The following MIER1 variants were observed in gnomAD, a reference collection of about 807,000 sequenced individuals.
The protein encoded by MIER1 is MIER1 transcriptional regulator.
In MIER1, 40 loss-of-function variants were observed where a neutral mutation model predicts 75.7. The ratio of observed to expected loss-of-function variants is 0.53; its 90% CI spans 0.41 to 0.69. The LOEUF (loss-of-function observed/expected upper bound fraction) is 0.69, where lower values mean the gene tolerates loss of function less well. Among genes scored for constraint, MIER1 ranks in the 30% least tolerant of loss-of-function variants. MIER1 has a pLI of 0.00. For synonymous variants in MIER1, 213 were observed against 223.4 expected (o/e 0.95, Z 0.42); for missense variants, 574 against 680.2 (o/e 0.84, Z 1.74).
chr1:66,971,546 T>A (rs1570460615), intron 9 of MIER1, 109 bp from the exon 10 acceptor site: 1 of 615,250 alleles, frequency 1.6e-6, no homozygotes, highest in East Asian at 2.9e-5. Context: ...CTAAAGTTAT[T>A]TGCCCTCAAA....
chr1:66,954,570 C>T (rs1433782499), intron 4 of MIER1, among the ~76,000 whole-genome samples: 4 of 152,164 alleles, frequency 2.6e-5, no homozygotes, highest in African/African-American at 9.7e-5. Flanking sequence ...TGTGCCAGTT[C>T]TATTACGATT....
intron 8 of MIER1, among the ~76,000 whole-genome samples, chr1:66,968,420 T>TTTGTGATGAAAAG (rs1258850555): frequency 6.6e-5 from 10 of 152,184 alleles, no homozygotes; most frequent in Admixed American, 5.9e-4. Context: ...TTTCATCAGT[T>TTTGTGATGAAAAG]TTGTGAACAC....
At chr1:66,940,246 T>C in intron 3 of MIER1, 194 bp downstream of exon 3, 1 of 346,354 alleles carries the variant, frequency 2.9e-6, no homozygotes, top group Non-Finnish European at 5.2e-6. Flanking sequence ...GATTTCATCC[T>C]AAAAATGACT....
chr1:66,934,625 C>T (rs1005671161), intron 2 of MIER1, among the ~76,000 whole-genome samples: 1 of 147,106 alleles, frequency 6.8e-6, no homozygotes, highest in East Asian at 2.0e-4. Flanking sequence ...AGACTGGTCT[C>T]GAGCTTCTGG....
chr1:66,929,482 C>T (rs141811056), intron 2 of MIER1, among the ~76,000 whole-genome samples: 74 of 152,362 alleles, frequency 4.9e-4, no homozygotes, highest in South Asian at 4.1e-4. Context: ...ATTGGCATCA[C>T]GGCCAATTGG....
In MIER1 at chr1:66,935,943, T is replaced by C. The variant is rs183174463; in HGVS notation, c.169-4085T>C. On this transcript the variant is annotated intron_variant, in intron 2 of 13. Coordinates refer to ENST00000401041, the MANE Select transcript of MIER1 (RefSeq NM_001077700.3). ...TTTCTAATCAGCTAATGCATGGACT[T>C]TAAATGTTTTTCTACCTTTTTGTTA... 7.2e-3 allele frequency among the ~76,000 whole-genome samples: 1,002 copies of C among 138,866 alleles called. 12 individuals carry two copies. The highest frequency in any genetic ancestry group is 0.06 in the South Asian group (248 of 4,156). 91.1% of individuals were successfully genotyped at this position (138,866 alleles called of 152,430 possible).
intron 10 of MIER1, 36 bp downstream of exon 10, chr1:66,971,772 A>G: frequency 8.6e-7 from 1 of 1,158,942 alleles, no homozygotes; most frequent in Non-Finnish European, 1.2e-6. Context: ...ATGATTTGGC[A>G]GAAATTTTAA....
chr1:66,957,215 G>C (rs1223986050), intron 4 of MIER1, among the ~76,000 whole-genome samples: 1 of 152,168 alleles, frequency 6.6e-6, no homozygotes, highest in East Asian at 1.9e-4. Flanking sequence ...TGAGTAGTTT[G>C]TATAGAAAGC....
chr1:66,952,746 A>G lies in MIER1; in HGVS notation c.340-5313A>G, dbSNP rs531517435. On this transcript the variant is annotated intron_variant, in intron 4 of 13. Coordinates refer to ENST00000401041, the MANE Select transcript of MIER1 (RefSeq NM_001077700.3). The stretch of plus-strand genomic sequence containing the variant: ...AGCCTCAGCCTCCCTGGATGAAGCC[A>G]TCCTCCTGCCTCAGCCCCCCTAGTA... 4.6e-5 allele frequency among the ~76,000 whole-genome samples: 7 copies of G among 152,290 alleles called. No homozygotes were observed. The South Asian group carries it at 1.2e-3, about 27-fold the overall frequency.
chr1:66,986,333 A>G lies in MIER1; in HGVS notation c.*1433A>G, dbSNP rs1436690304. The G allele has an allele frequency of 6.4e-6, 10 of 1,559,438 alleles. No individual in the cohort carries two copies. The Admixed American group carries it at 7.8e-5, about 12-fold the overall frequency. The stretch of plus-strand genomic sequence containing the variant: ...AATTCTTGTTAAATAATGTAGTTTT[A>G]TATAGCTGATAGACCAACCTATATC... On this transcript the variant is annotated 3_prime_UTR_variant, in exon 14 of 14. Transcript: ENST00000401041.
chr1:66,965,765 T>A (rs1398599446), intron 8 of MIER1, among the ~76,000 whole-genome samples: 1 of 152,192 alleles, frequency 6.6e-6, no homozygotes, highest in Non-Finnish European at 1.5e-5. Context: ...CTCATTCTAT[T>A]TTTTTGTACC....
chr1:66,935,282 A>G (rs1029830128), intron 2 of MIER1, among the ~76,000 whole-genome samples: 2 of 152,238 alleles, frequency 1.3e-5, no homozygotes, highest in African/African-American at 2.4e-5. Context: ...CGTTACAACT[A>G]TTAGCAATTT....
intron 12 of MIER1, among the ~76,000 whole-genome samples, 189 bp downstream of exon 12, chr1:66,976,911 A>T (rs1664829166): frequency 6.6e-6 from 1 of 152,218 alleles, no homozygotes; most frequent in Non-Finnish European, 1.5e-5. Context: ...CTTCATAAAT[A>T]AGGCATTTAG....
intron 1 of MIER1, 49 bp from the exon 2 acceptor site, chr1:66,926,093 T>C: frequency 7.0e-7 from 1 of 1,420,652 alleles, no homozygotes; most frequent in Non-Finnish European, 1.0e-6. Flanking sequence ...TGAGCTTGTA[T>C]CATCGTTTCT....
At chr1:66,966,991 G>C (rs908158076) in intron 8 of MIER1, among the ~76,000 whole-genome samples, 2 of 152,136 alleles carry the variant, frequency 1.3e-5, no homozygotes, top group Non-Finnish European at 2.9e-5. Flanking sequence ...TTCCTTTGCT[G>C]TGCAAAAGCT....
intron 12 of MIER1, among the ~76,000 whole-genome samples, chr1:66,977,214 A>G (rs1408245277): frequency 1.3e-5 from 2 of 151,828 alleles, no homozygotes; most frequent in Non-Finnish European, 2.9e-5. Flanking sequence ...GCTTCAAGCG[A>G]TTGTCCTGCC....
intron 2 of MIER1, among the ~76,000 whole-genome samples, chr1:66,930,678 C>T (rs1292254623): frequency 6.6e-6 from 1 of 151,996 alleles, no homozygotes; most frequent in Admixed American, 6.5e-5. Context: ...GGGGCGCCCG[C>T]CGGGGAAGGG....
chr1:66,925,133 T>C (rs759131493), intron 1 of MIER1, 38 bp downstream of exon 1: 1 of 1,540,668 alleles, frequency 6.5e-7, no homozygotes, highest in Non-Finnish European at 8.7e-7. Context: ...TCCCCTTCTA[T>C]TCCAGTTTGG....
At chr1:66,951,825 T>A (rs1570289553) in intron 4 of MIER1, among the ~76,000 whole-genome samples, 1 of 152,178 alleles carries the variant, frequency 6.6e-6, no homozygotes, top group Non-Finnish European at 1.5e-5. Context: ...TATTTCACAT[T>A]GTAACAGGAT....
Sources: allele counts gnomAD v4.1 joint callset (sites outside exome capture counted in the v4.1 genomes callset), GRCh38; gene constraint gnomAD v4.1.1; transcripts MANE v1.5; gene names NCBI Gene and HGNC (gene_info 2026-07-23, HGNC 2026-07-21).